PCCA: variants seen among roughly 807,000 people sequenced by gnomAD.
PCCA encodes the protein propionyl-CoA carboxylase subunit alpha.
A neutral mutation model predicts 101.3 loss-of-function variants in PCCA; 74 were observed. That is an observed-to-expected ratio of 0.73 (90% CI 0.61 to 0.89). PCCA has a LOEUF of 0.89. Ranked by LOEUF, PCCA falls within the 40% of genes least tolerant of loss-of-function variation. The pLI is 0.00. For missense variants in PCCA, 891 were observed against 907.0 expected (o/e 0.98, Z 0.23); for synonymous variants, 294 against 313.6 (o/e 0.94, Z 0.66).
intron 15 of PCCA, among the ~76,000 whole-genome samples, chr13:100,309,341 G>C (rs1366173733): frequency 1.3e-5 from 2 of 152,232 alleles, no homozygotes; most frequent in Non-Finnish European, 2.9e-5. Context: ...AGGTTGCAGT[G>C]AGCTGAGATT....
intron 17 of PCCA, among the ~76,000 whole-genome samples, chr13:100,338,373 C>T (rs565574841): frequency 3.2e-4 from 48 of 152,112 alleles, no homozygotes; most frequent in Non-Finnish European, 4.1e-4. Context: ...GTGATGTCAT[C>T]ACACAATATG....
intron 4 of PCCA, among the ~76,000 whole-genome samples, chr13:100,120,055 G>T (rs2049218355): frequency 6.6e-6 from 1 of 151,620 alleles, no homozygotes; most frequent in African/African-American, 2.4e-5. Flanking sequence ...TAGAGACAGG[G>T]TTTCACCATG....
At chr13:100,279,918 A>G (rs1041797754) in intron 12 of PCCA, among the ~76,000 whole-genome samples, 4 of 152,018 alleles carry the variant, frequency 2.6e-5, no homozygotes, top group African/African-American at 7.2e-5. Context: ...CTAGAGGGCT[A>G]TAATTTTCTT....
At chr13:100,145,942 CTT>C (rs369326970) in intron 4 of PCCA, among the ~76,000 whole-genome samples, 4 of 138,958 alleles carry the variant, frequency 2.9e-5, no homozygotes, top group Admixed American at 7.2e-5. Context: ...GATAGTTTTG[CTT>C]TTTTTTTTTT....
intron 21 of PCCA, among the ~76,000 whole-genome samples, chr13:100,497,869 T>TA (rs1294179899): frequency 6.6e-6 from 1 of 152,084 alleles, no homozygotes; most frequent in Non-Finnish European, 1.5e-5. Flanking sequence ...CTTCTTTTTT[T>TA]ACTTTTCTTT....
At chr13:100,311,883 C>T (rs1000627449) in intron 16 of PCCA, among the ~76,000 whole-genome samples, 1 of 152,180 alleles carries the variant, frequency 6.6e-6, no homozygotes, top group Non-Finnish European at 1.5e-5. Flanking sequence ...TATGTAATTT[C>T]TAATACTGTG....
Position 100,181,741 on chromosome 13 carries a change from C to CT in PCCA, c.468+24409dup, listed in dbSNP as rs1163157425. Among the ~76,000 whole-genome samples the CT allele has an allele frequency of 1.1e-3, 147 of 139,962 alleles. 1 individual carries two copies. Among genetic ancestry groups the CT allele is most frequent in the African/African-American group, 3.6e-3 (135 of 37,700 alleles). The allele number at this position is 139,962 out of a possible 152,430, so 91.8% of individuals were successfully genotyped here. A position where few individuals can be genotyped will look rare whatever the true frequency, so the allele number is the denominator to read the frequency against. ...GAAAGAACACTTAGTTACTAATATT[C>CT]TTTTTTTTGTTTTTCTTTTTCTTTT... is the stretch of plus-strand genomic sequence containing the variant. On this transcript the variant is annotated intron_variant, in intron 6 of 23. Transcript: ENST00000376285.
intron 12 of PCCA, among the ~76,000 whole-genome samples, chr13:100,280,114 A>G (rs924157592): frequency 6.6e-6 from 1 of 151,746 alleles, no homozygotes; most frequent in African/African-American, 2.4e-5. Flanking sequence ...GAGATGCAAC[A>G]CTAAGAAAGT....
At chr13:100,134,241 C>T (rs1329624666) in intron 4 of PCCA, among the ~76,000 whole-genome samples, 1 of 152,156 alleles carries the variant, frequency 6.6e-6, no homozygotes, top group Non-Finnish European at 1.5e-5. Flanking sequence ...GGATGGGTTT[C>T]TTGACTCTGT....
At chr13:100,285,248 A>G (rs943671025) in intron 12 of PCCA, among the ~76,000 whole-genome samples, 2 of 152,238 alleles carry the variant, frequency 1.3e-5, no homozygotes. Context: ...AAGGACACCC[A>G]GAGGGCAAAT....
At chr13:100,105,979 G>T (rs1039960789) in intron 2 of PCCA, among the ~76,000 whole-genome samples, 11 of 150,436 alleles carry the variant, frequency 7.3e-5, no homozygotes, top group African/African-American at 2.7e-4. Flanking sequence ...CTGTGCCTTT[G>T]TACTATTAGA....
At chr13:100,346,357 T>G (rs2072220517) in intron 18 of PCCA, among the ~76,000 whole-genome samples, 1 of 152,250 alleles carries the variant, frequency 6.6e-6, no homozygotes, top group South Asian at 2.1e-4. Context: ...CAAGATGTCA[T>G]TGAAGGAAAT....
chr13:100,374,713 C>T (rs1275002098), intron 19 of PCCA, among the ~76,000 whole-genome samples: 1 of 152,138 alleles, frequency 6.6e-6, no homozygotes, highest in Non-Finnish European at 1.5e-5. Flanking sequence ...GAGCACTATA[C>T]ATGCACTTTT....
At chr13:100,179,525 C>A (rs2056583954) in intron 6 of PCCA, among the ~76,000 whole-genome samples, 1 of 152,200 alleles carries the variant, frequency 6.6e-6, no homozygotes, top group Non-Finnish European at 1.5e-5. Context: ...TCAGTTTGGT[C>A]ATGAATACTT....
intron 20 of PCCA, among the ~76,000 whole-genome samples, chr13:100,426,180 T>C (rs2079137137): frequency 6.6e-6 from 1 of 152,218 alleles, no homozygotes; most frequent in African/African-American, 2.4e-5. Context: ...TAATCTTAAC[T>C]TATTAATCTT....
intron 6 of PCCA, among the ~76,000 whole-genome samples, chr13:100,187,299 A>G (rs370676942): frequency 1.3e-5 from 2 of 152,364 alleles, no homozygotes; most frequent in African/African-American, 4.8e-5. Context: ...GTAAGAACGA[A>G]TCAAGATTAT....
At chr13:100,169,111 G>A (rs2055346859) in intron 6 of PCCA, among the ~76,000 whole-genome samples, 2 of 152,036 alleles carry the variant, frequency 1.3e-5, no homozygotes, top group African/African-American at 4.8e-5. Flanking sequence ...TGGCAAAAAA[G>A]GCATGTTTCA....
intron 12 of PCCA, among the ~76,000 whole-genome samples, chr13:100,292,521 G>A (rs542769435): frequency 3.9e-5 from 6 of 152,280 alleles, no homozygotes; most frequent in African/African-American, 1.4e-4. Context: ...TCTGCTAACT[G>A]TGAGTATCTT....
At chr13:100,184,463 C>T (rs9518018) in intron 6 of PCCA, among the ~76,000 whole-genome samples, 36,456 of 152,068 alleles carry the variant, frequency 0.24, 5,265 homozygotes, top group Middle Eastern at 0.44. Flanking sequence ...AAGGTGTCTC[C>T]GTAAGATAGC....
Sources: allele counts gnomAD v4.1 joint callset (sites outside exome capture counted in the v4.1 genomes callset), GRCh38; gene constraint gnomAD v4.1.1; transcripts MANE v1.5; gene names NCBI Gene and HGNC (gene_info 2026-07-23, HGNC 2026-07-21).